TRDN: variants seen among roughly 807,000 people sequenced by gnomAD.
TRDN encodes triadin in skeletal muscle.
TRDN carries 161 observed loss-of-function variants against 149.7 expected under a neutral mutation model. That is an observed-to-expected ratio of 1.08 (90% CI 0.95 to 1.23). TRDN has a LOEUF of 1.23. Ranked by LOEUF, TRDN falls within the 50% of genes most tolerant of loss-of-function variation. The probability of loss-of-function intolerance (pLI) is 0.00; values close to 1 mark genes in which losing one functional copy is unlikely to be tolerated. For synonymous variants in TRDN, 294 were observed against 250.5 expected (o/e 1.17, Z -1.64); for missense variants, 896 against 823.5 (o/e 1.09, Z -1.08).
intron 1 of TRDN, among the ~76,000 whole-genome samples, chr6:123,581,259 C>T (rs1344049802): frequency 6.6e-6 from 1 of 152,150 alleles, no homozygotes; most frequent in Non-Finnish European, 1.5e-5. Context: ...ATGTCAACTC[C>T]TTGACAATAT....
At chr6:123,391,904 T>C (rs1323566376) in intron 13 of TRDN, among the ~76,000 whole-genome samples, 1 of 152,108 alleles carries the variant, frequency 6.6e-6, no homozygotes, top group Non-Finnish European at 1.5e-5. Context: ...ATATTAATTA[T>C]TTATATGCAT....
intron 6 of TRDN, 99 bp downstream of exon 6, chr6:123,516,042 T>C: frequency 8.4e-7 from 1 of 1,190,688 alleles, no homozygotes; most frequent in Non-Finnish European, 1.1e-6. Flanking sequence ...CTAATCTAAT[T>C]TGTAAAACTG....
chr6:123,423,002 A>G (rs1350168862), intron 12 of TRDN, among the ~76,000 whole-genome samples: 1 of 152,154 alleles, frequency 6.6e-6, no homozygotes, highest in East Asian at 1.9e-4. Flanking sequence ...GATTTTTTCT[A>G]ACTATAATTA....
At chr6:123,337,734 T>G in intron 21 of TRDN, 65 bp from the exon 22 acceptor site, 1 of 955,304 alleles carries the variant, frequency 1.0e-6, no homozygotes, top group Non-Finnish European at 1.5e-6. Flanking sequence ...TGCAAGTCTC[T>G]TCATGTGTTT....
chr6:123,472,552 G>C (rs529919848), intron 9 of TRDN, among the ~76,000 whole-genome samples: 8 of 152,188 alleles, frequency 5.3e-5, no homozygotes, highest in East Asian at 1.9e-4. Flanking sequence ...CAAAGCAGCC[G>C]GGAAGCTCGA....
intron 2 of TRDN, among the ~76,000 whole-genome samples, chr6:123,561,201 G>A (rs1781976134): frequency 6.6e-6 from 1 of 152,092 alleles, no homozygotes; most frequent in African/African-American, 2.4e-5. Flanking sequence ...TCCGATAGTG[G>A]ACTGGTCTTT....
chr6:123,474,489 A>C (rs1311554374), intron 9 of TRDN, among the ~76,000 whole-genome samples: 1 of 152,088 alleles, frequency 6.6e-6, no homozygotes. Context: ...AGACTTTAAC[A>C]CCCCACTGTC....
intron 38 of TRDN, among the ~76,000 whole-genome samples, chr6:123,236,800 C>T (rs759944387): frequency 6.6e-6 from 1 of 151,988 alleles, no homozygotes; most frequent in Non-Finnish European, 1.5e-5. Context: ...ATCTATGTGG[C>T]TATATCTTTG....
At chr6:123,233,858 T>C (rs1225455349) in intron 38 of TRDN, among the ~76,000 whole-genome samples, 2 of 152,106 alleles carry the variant, frequency 1.3e-5, no homozygotes, top group Non-Finnish European at 2.9e-5. Flanking sequence ...AGTTTAATAA[T>C]TGAAATCTGT....
chr6:123,227,958 G>T (rs187564817), intron 38 of TRDN, among the ~76,000 whole-genome samples: 2 of 151,492 alleles, frequency 1.3e-5, no homozygotes, highest in Non-Finnish European at 3.0e-5. Context: ...CTATATCAGG[G>T]CCTCTTGAAA....
At chr6:123,623,524 G>A (rs931784003) in intron 1 of TRDN, among the ~76,000 whole-genome samples, 13 of 152,118 alleles carry the variant, frequency 8.5e-5, no homozygotes, top group Middle Eastern at 3.4e-3. Flanking sequence ...AGGGAAGATC[G>A]TTGCAACAAA....
intron 10 of TRDN, among the ~76,000 whole-genome samples, chr6:123,446,499 G>T (rs148008762): frequency 1.3e-5 from 2 of 150,714 alleles, no homozygotes; most frequent in African/African-American, 4.9e-5. Flanking sequence ...GCAGAAGAAC[G>T]GCGTGAACCC....
chr6:123,284,084 C>T (rs1777713876), intron 24 of TRDN, among the ~76,000 whole-genome samples: 2 of 112,534 alleles, frequency 1.8e-5, no homozygotes, highest in South Asian at 3.7e-4. Context: ...TAACTCTTGC[C>T]CCCCCCCCAA....
At chr6:123,578,298 T>C (rs965568913) in intron 1 of TRDN, among the ~76,000 whole-genome samples, 1 of 152,160 alleles carries the variant, frequency 6.6e-6, no homozygotes, top group Non-Finnish European at 1.5e-5. Context: ...CCATCTTGAG[T>C]TGATTTTTGT....
chr6:123,350,336 T>C, intron 21 of TRDN: 1 of 950,662 alleles, frequency 1.1e-6, no homozygotes, highest in Non-Finnish European at 1.3e-6. Context: ...TGCACAATTA[T>C]ACTCAGATCA....
chr6:123,532,352 C>T (rs547829584), intron 4 of TRDN, among the ~76,000 whole-genome samples: 13 of 151,978 alleles, frequency 8.6e-5, no homozygotes, highest in Non-Finnish European at 1.5e-4. Flanking sequence ...AACCTAGAGT[C>T]GCTTGCAGGT....
intron 12 of TRDN, among the ~76,000 whole-genome samples, chr6:123,414,161 A>G (rs141148186): frequency 7.9e-6 from 1 of 127,050 alleles, no homozygotes; most frequent in Non-Finnish European, 1.6e-5. Context: ...CCTATGCCAC[A>G]TCTTTGCATT....
At chr6:123,352,651 A>C (rs1431467632) in intron 20 of TRDN, 65 bp from the exon 21 acceptor site, 1 of 1,543,410 alleles carries the variant, frequency 6.5e-7, no homozygotes, top group Non-Finnish European at 8.7e-7. Flanking sequence ...GCTCAAAAAA[A>C]GCATTTTGGA....
At chr6:123,254,927 T>C in intron 37 of TRDN, 154 bp downstream of exon 37, 1 of 588,448 alleles carries the variant, frequency 1.7e-6, no homozygotes. Flanking sequence ...ATAAGCTTTC[T>C]GCTAGATTTT....
Sources: allele counts gnomAD v4.1 joint callset (sites outside exome capture counted in the v4.1 genomes callset), GRCh38; gene constraint gnomAD v4.1.1; transcripts MANE v1.5; gene names NCBI Gene and HGNC (gene_info 2026-07-23, HGNC 2026-07-21).